The following KLHL13 variants were observed in gnomAD, a reference collection of about 807,000 sequenced individuals.
The protein encoded by KLHL13 is kelch like family member 13.
Under a neutral mutation model 37.1 loss-of-function variants are expected in KLHL13, and 10 were observed. The observed-to-expected ratio is 0.27, with a 90% confidence interval of 0.17 to 0.46. The LOEUF is 0.46. KLHL13 is among the 20% of genes least tolerant of loss of function. The pLI is 1.00. For missense variants in KLHL13, 360 were observed against 509.3 expected, an observed-to-expected ratio of 0.71 and a Z score of 2.82; for synonymous variants, 163 against 181.2, an observed-to-expected ratio of 0.90 and a Z score of 0.81.
intron 1 of KLHL13, among the ~76,000 whole-genome samples, chrX:118,113,636 A>G (rs2055436723): frequency 8.9e-6 from 1 of 112,058 alleles, no homozygotes; most frequent in South Asian, 3.7e-4. Flanking sequence ...CTTCTCTTTC[A>G]GGTCTCTGCT....
chrX:117,966,120 T>A (rs2053424106), intron 1 of KLHL13, among the ~76,000 whole-genome samples: 1 of 111,931 alleles, frequency 8.9e-6, no homozygotes, highest in African/African-American at 3.3e-5. Flanking sequence ...AAATTGTCCC[T>A]GTTTGCAGAC....
exon 2 of KLHL13, chrX:117,945,507 G>T: frequency 8.3e-7 from 1 of 1,208,380 alleles, no homozygotes; most frequent in African/African-American, 1.7e-5. Context: ...CTGCAAATGG[G>T]ATGAGAGGCC....
intron 1 of KLHL13, among the ~76,000 whole-genome samples, chrX:118,091,238 C>A: frequency 9.1e-6 from 1 of 110,200 alleles, no homozygotes. Flanking sequence ...TGTGACAAAC[C>A]TGCACATGGT....
At chrX:118,064,085 A>G (rs942451188) in intron 1 of KLHL13, among the ~76,000 whole-genome samples, 10 of 111,650 alleles carry the variant, frequency 9.0e-5, no homozygotes, top group African/African-American at 3.2e-4. Flanking sequence ...TCACAGGTAA[A>G]ATTCACAAAT....
chrX:117,921,387 C>A (rs1388038494), intron 2 of KLHL13, among the ~76,000 whole-genome samples: 1 of 110,922 alleles, frequency 9.0e-6, no homozygotes, highest in East Asian at 2.8e-4. Context: ...GTTTATTTGT[C>A]GATTAAGAAT....
intron 2 of KLHL13, among the ~76,000 whole-genome samples, chrX:117,944,474 G>A (rs1003278203): frequency 4.5e-5 from 5 of 111,275 alleles, no homozygotes; most frequent in Non-Finnish European, 9.4e-5. Flanking sequence ...AATGAAATCC[G>A]GTGAAATTAC....
chrX:117,940,786 T>C (rs928872877), intron 2 of KLHL13, among the ~76,000 whole-genome samples: 4 of 112,084 alleles, frequency 3.6e-5, no homozygotes, highest in Non-Finnish European at 5.6e-5. Context: ...TTTTTGCACA[T>C]TGATTTTGTA....
chrX:118,112,893 G>A (rs1288318717), intron 1 of KLHL13, among the ~76,000 whole-genome samples: 1 of 111,727 alleles, frequency 9.0e-6, no homozygotes, highest in African/African-American at 3.2e-5. Context: ...ATGTTGGAGA[G>A]GCAACAGGTA....
intron 1 of KLHL13, among the ~76,000 whole-genome samples, chrX:117,969,956 G>C (rs2053496292): frequency 9.0e-6 from 1 of 111,700 alleles, no homozygotes; most frequent in African/African-American, 3.3e-5. Flanking sequence ...AAGGAAAAAA[G>C]TAATAGTCTT....
chrX:117,903,215 C>T (rs1930253804), intron 5 of KLHL13, among the ~76,000 whole-genome samples: 3 of 103,612 alleles, frequency 2.9e-5, no homozygotes, highest in Non-Finnish European at 5.8e-5. Context: ...ACTACTTTTC[C>T]GCTCTATTCA....
At chrX:118,095,948 T>G (rs1263844381) in intron 1 of KLHL13, among the ~76,000 whole-genome samples, 1 of 112,121 alleles carries the variant, frequency 8.9e-6, no homozygotes, top group Non-Finnish European at 1.9e-5. Flanking sequence ...GGGAAATTTA[T>G]AGCACTAAAT....
intron 1 of KLHL13, chrX:117,947,732 C>A (rs1221651884): frequency 9.0e-6 from 1 of 111,590 alleles, no homozygotes; most frequent in African/African-American, 3.3e-5. Context: ...AAAACACTCC[C>A]TACTAATTTC....
chrX:118,093,212 C>T (rs1284544023), intron 1 of KLHL13, among the ~76,000 whole-genome samples: 6 of 111,615 alleles, frequency 5.4e-5, no homozygotes, highest in African/African-American at 9.7e-5. Context: ...AATAAAATGG[C>T]TAGAAAGATA....
chrX:117,994,204 T>C (rs2053828161), intron 1 of KLHL13, among the ~76,000 whole-genome samples: 1 of 111,011 alleles, frequency 9.0e-6, no homozygotes, highest in Non-Finnish European at 1.9e-5. Context: ...TCTTCCTATA[T>C]ATCCTAGCAT....
chrX:118,038,810 G>A (rs1450061487), intron 1 of KLHL13, among the ~76,000 whole-genome samples: 2 of 111,673 alleles, frequency 1.8e-5, no homozygotes, highest in Non-Finnish European at 3.8e-5. Flanking sequence ...GACCCAGTGA[G>A]ACACAAGCTG....
At chrX:117,988,639 A>C (rs2053753922) in intron 1 of KLHL13, among the ~76,000 whole-genome samples, 1 of 112,044 alleles carries the variant, frequency 8.9e-6, no homozygotes, top group African/African-American at 3.2e-5. Context: ...ATGAATGGAA[A>C]TGTCATTTGC....
At chrX:117,968,367 G>A (rs778703312) in intron 1 of KLHL13, among the ~76,000 whole-genome samples, 1 of 111,466 alleles carries the variant, frequency 9.0e-6, no homozygotes, top group Non-Finnish European at 1.9e-5. Flanking sequence ...ATGAGTTCCT[G>A]TGTTAAAAGG....
intron 1 of KLHL13, among the ~76,000 whole-genome samples, chrX:118,098,528 G>A (rs139534465): frequency 0.014 from 1,597 of 110,343 alleles, 41 homozygotes; most frequent in African/African-American, 0.049. Flanking sequence ...GATTCTTCAG[G>A]GATCTAGAAC....
At chrX:117,988,150 T>C (rs987731874) in intron 1 of KLHL13, among the ~76,000 whole-genome samples, 1 of 112,119 alleles carries the variant, frequency 8.9e-6, no homozygotes, top group African/African-American at 3.2e-5. Flanking sequence ...CCATTTTATA[T>C]TATATTTTGA....
Sources: gnomAD v4.1 joint callset for allele counts (sites outside exome capture counted in the v4.1 genomes callset) on GRCh38, gnomAD v4.1.1 for gene constraint, MANE v1.5 for transcripts, NCBI Gene and HGNC (gene_info 2026-07-23, HGNC 2026-07-21) for gene names.